CLNK: variants seen among roughly 807,000 people sequenced by gnomAD.
CLNK encodes the protein cytokine-dependent hematopoietic cell linker.
A neutral mutation model predicts 68.6 loss-of-function variants in CLNK; 74 were observed. The ratio of observed to expected loss-of-function variants is 1.08; its 90% CI spans 0.89 to 1.31. CLNK has a LOEUF of 1.31. Ranked by LOEUF, CLNK falls within the 50% of genes most tolerant of loss-of-function variation. The pLI, the probability that CLNK is intolerant of heterozygous loss-of-function variation, is 0.00. For missense variants in CLNK, 553 were observed against 515.3 expected, an observed-to-expected ratio of 1.07 and a Z score of -0.71; for synonymous variants, 198 against 172.2, an observed-to-expected ratio of 1.15 and a Z score of -1.17.
intron 8 of CLNK, among the ~76,000 whole-genome samples, chr4:10,542,678 G>GTA (rs1487195144): frequency 7.2e-4 from 107 of 149,176 alleles, no homozygotes; most frequent in Non-Finnish European, 1.2e-3. Context: ...GTGTGTGTGT[G>GTA]TGTGTATATA....
chr4:10,542,682 G>GTGTGTGTGTGTGTA (rs1560209216), intron 8 of CLNK, among the ~76,000 whole-genome samples: 1 of 137,798 alleles, frequency 7.3e-6, no homozygotes, highest in Non-Finnish European at 1.6e-5. Flanking sequence ...GTGTGTGTGT[G>GTGTGTGTGTGTGTA]TATATATATA....
chr4:10,550,473 C>A (rs1042788867), intron 8 of CLNK, among the ~76,000 whole-genome samples: 14 of 151,914 alleles, frequency 9.2e-5, no homozygotes, highest in African/African-American at 3.1e-4. Context: ...CCAGCCTGGG[C>A]GGCACAGGGA....
intron 2 of CLNK, among the ~76,000 whole-genome samples, chr4:10,603,337 C>T (rs1423529464): frequency 6.6e-6 from 1 of 152,132 alleles, no homozygotes. Context: ...ATCAGAACTG[C>T]AAGAAATTTA....
At chr4:10,604,491 T>A (rs986208442) in intron 2 of CLNK, among the ~76,000 whole-genome samples, 2 of 152,088 alleles carry the variant, frequency 1.3e-5, no homozygotes, top group Non-Finnish European at 2.9e-5. Context: ...GGGGTCATGA[T>A]ACACCATGGC....
At chr4:10,496,885 T>G in intron 18 of CLNK, among the ~76,000 whole-genome samples, 2 of 152,234 alleles carry the variant, frequency 1.3e-5, no homozygotes, top group African/African-American at 4.8e-5. Context: ...GAAAATTCTT[T>G]AAGGGTGCTC....
intron 1 of CLNK, among the ~76,000 whole-genome samples, chr4:10,668,379 C>A (rs1041489944): frequency 6.6e-6 from 1 of 152,136 alleles, no homozygotes; most frequent in African/African-American, 2.4e-5. Context: ...CTTGTATTCA[C>A]CCACATAGTA....
At chr4:10,557,903 A>G (rs1719738175) in intron 8 of CLNK, among the ~76,000 whole-genome samples, 1 of 152,236 alleles carries the variant, frequency 6.6e-6, no homozygotes, top group South Asian at 2.1e-4. Context: ...AATGGATACA[A>G]TACCATTAAA....
At chr4:10,552,950 C>A (rs1376108097) in intron 8 of CLNK, among the ~76,000 whole-genome samples, 1 of 151,996 alleles carries the variant, frequency 6.6e-6, no homozygotes, top group East Asian at 1.9e-4. Flanking sequence ...GCCTTTTCTT[C>A]ACATTGTGAT....
At chr4:10,592,327 A>ACTC (rs1319177386) in intron 3 of CLNK, among the ~76,000 whole-genome samples, 1 of 151,982 alleles carries the variant, frequency 6.6e-6, no homozygotes, top group Non-Finnish European at 1.5e-5. Flanking sequence ...AATATTTGAC[A>ACTC]CTCTGATGGG....
At chr4:10,517,154 T>C (rs1717871409) in intron 15 of CLNK, among the ~76,000 whole-genome samples, 1 of 152,126 alleles carries the variant, frequency 6.6e-6, no homozygotes, top group Non-Finnish European at 1.5e-5. Context: ...GAATTTCAGA[T>C]AGTTAAAATT....
At chr4:10,539,907 A>T (rs750669880) in intron 11 of CLNK, among the ~76,000 whole-genome samples, 2 of 152,200 alleles carry the variant, frequency 1.3e-5, no homozygotes, top group Non-Finnish European at 2.9e-5. Context: ...TTTCTTTATT[A>T]ACTAATTCAG....
intron 16 of CLNK, among the ~76,000 whole-genome samples, chr4:10,511,360 A>G (rs1717575386): frequency 1.3e-5 from 2 of 152,214 alleles, no homozygotes; most frequent in Admixed American, 1.3e-4. Context: ...CTTTTCGGCA[A>G]TAATATAATA....
chr4:10,524,960 G>C (rs962423597), intron 14 of CLNK, among the ~76,000 whole-genome samples: 4 of 152,196 alleles, frequency 2.6e-5, no homozygotes, highest in African/African-American at 9.6e-5. Flanking sequence ...CCACTGGCCG[G>C]AGTGAGATCA....
chr4:10,530,079 G>A (rs1327608907), intron 12 of CLNK, among the ~76,000 whole-genome samples: 3 of 143,832 alleles, frequency 2.1e-5, no homozygotes, highest in African/African-American at 5.2e-5. Context: ...CCTTCCTTCC[G>A]TATTCTTTTT....
intron 2 of CLNK, among the ~76,000 whole-genome samples, chr4:10,628,663 G>C (rs1337704107): frequency 1.3e-5 from 2 of 152,184 alleles, no homozygotes; most frequent in African/African-American, 4.8e-5. Context: ...CTTCAGTGAA[G>C]ACTGCGATGC....
Position 10,625,827 on chromosome 4 carries a change from A to T in CLNK, c.12-27778T>A, listed in dbSNP as rs149850473. Among the ~76,000 whole-genome samples, 28 of 152,316 alleles carry T rather than the reference A, an allele frequency of 1.8e-4. No individual in the cohort carries two copies. The East Asian group carries it at 3.1e-3, about 17-fold the overall frequency. On this transcript the variant is annotated intron_variant, in intron 2 of 18. Transcript: ENST00000226951. ...CAGAAACTGGTTCTGTTACCAATCA[A>T]ACTCCTACTGATGCATCTGAGGCCA...
chr4:10,589,804 G>A (rs1408294727), intron 3 of CLNK, among the ~76,000 whole-genome samples: 1 of 152,200 alleles, frequency 6.6e-6, no homozygotes, highest in Non-Finnish European at 1.5e-5. Context: ...TTAATGAAAG[G>A]AACTGCTAGC....
the CLNK span, among the ~76,000 whole-genome samples, chr4:10,698,191 G>C: frequency 6.6e-6 from 1 of 152,134 alleles, no homozygotes; most frequent in Non-Finnish European, 1.5e-5. Flanking sequence ...CTGGTGGTGA[G>C]AGTGGTGTCA....
At chr4:10,579,807 G>A (rs760677560) in intron 4 of CLNK, among the ~76,000 whole-genome samples, 3 of 152,126 alleles carry the variant, frequency 2.0e-5, no homozygotes, top group African/African-American at 7.2e-5. Context: ...CCCCACCTGT[G>A]TAGAACACCA....
Sources: gnomAD v4.1 joint callset for allele counts (sites outside exome capture counted in the v4.1 genomes callset) on GRCh38, gnomAD v4.1.1 for gene constraint, MANE v1.5 for transcripts, NCBI Gene and HGNC (gene_info 2026-07-23, HGNC 2026-07-21) for gene names.